CDH13: variants seen among roughly 807,000 people sequenced by gnomAD.
The protein encoded by CDH13 is cadherin-13.
A neutral mutation model predicts 63.8 loss-of-function variants in CDH13; 24 were observed. The ratio of observed to expected loss-of-function variants is 0.38; its 90% CI spans 0.27 to 0.53. The LOEUF (loss-of-function observed/expected upper bound fraction) is 0.53. Among genes scored for constraint, CDH13 ranks in the 20% least tolerant of loss-of-function variants. CDH13 has a pLI of 0.85. For synonymous variants in CDH13, 503 were observed against 355.3 expected (o/e 1.42, Z -4.67); for missense variants, 1,049 against 903.1 (o/e 1.16, Z -2.07).
At chr16:83,231,580 G>A (rs536276160) in intron 5 of CDH13, among the ~76,000 whole-genome samples, 34 of 152,284 alleles carry the variant, frequency 2.2e-4, no homozygotes, top group Non-Finnish European at 4.3e-4. Context: ...ATTAGAAGTA[G>A]GGGGTCTGCA....
At chr16:83,686,712 G>A (rs554622662) in intron 10 of CDH13, among the ~76,000 whole-genome samples, 2 of 152,288 alleles carry the variant, frequency 1.3e-5, no homozygotes, top group Admixed American at 1.3e-4. Context: ...TGTATTTTTA[G>A]TGTGGGTACA....
Position 83,246,781 on chromosome 16 carries a change from C to T in CDH13, c.636+29284C>T, listed in dbSNP as rs1905037486. Among the ~76,000 whole-genome samples the T allele has an allele frequency of 2.6e-5, 4 of 152,314 alleles. No individual in the cohort carries two copies. In the South Asian group the frequency reaches 8.3e-4, roughly 32 times the overall value. ...CACTTCCTTGCTGAAACCATTGATG[C>T]TTCTCTGTCGACTTCAAGATGTGTT... On this transcript the variant is annotated intron_variant, in intron 5 of 13. Coordinates refer to ENST00000567109, the MANE Select transcript of CDH13 (RefSeq NM_001257.5).
chr16:82,659,682 G>A lies in CDH13; in HGVS notation c.45+32545G>A, dbSNP rs145467487. On this transcript the variant is annotated intron_variant, in intron 1 of 13. Transcript: ENST00000567109. Reference sequence around the variant, plus strand: ...GTGCGAGGCACTGGAATACAATGGGGGTAACATGGACTAGGAGACTCATGA... The same window carrying A: ...GTGCGAGGCACTGGAATACAATGGGAGTAACATGGACTAGGAGACTCATGA... Among the ~76,000 whole-genome samples the A allele has an allele frequency of 1.7e-3, 254 of 152,246 alleles. 1 individual carries two copies. The highest frequency in any genetic ancestry group is 2.7e-3 in the Non-Finnish European group (181 of 68,014).
chr16:83,455,266 C>T (rs1256376428), intron 6 of CDH13, among the ~76,000 whole-genome samples: 2 of 152,068 alleles, frequency 1.3e-5, no homozygotes, highest in Non-Finnish European at 2.9e-5. Flanking sequence ...CTGGCAAGGC[C>T]CAAGAGATTC....
intron 4 of CDH13, among the ~76,000 whole-genome samples, chr16:83,158,826 G>A (rs956202853): frequency 6.6e-5 from 10 of 152,334 alleles, no homozygotes; most frequent in African/African-American, 9.6e-5. Context: ...CAGGAAGGGC[G>A]GCGGGGTGGT....
intron 1 of CDH13, among the ~76,000 whole-genome samples, chr16:82,788,402 G>A (rs146630826): frequency 1.3e-5 from 2 of 152,256 alleles, no homozygotes; most frequent in African/African-American, 2.4e-5. Flanking sequence ...CCCTGATGTG[G>A]TCCACGTGAC....
chr16:83,454,958 C>T (rs1424385251), intron 6 of CDH13, among the ~76,000 whole-genome samples: 7 of 152,174 alleles, frequency 4.6e-5, no homozygotes, highest in Admixed American at 4.6e-4. Flanking sequence ...GATCCACCCG[C>T]CTCAGCCTCC....
Position 83,166,836 on chromosome 16 carries a change from G to C in CDH13, c.483+41335G>C, listed in dbSNP as rs143606779. 6.2e-4 allele frequency among the ~76,000 whole-genome samples: 94 copies of C among 152,274 alleles called. 1 individual carries two copies. The East Asian group carries it at 0.015, about 25-fold the overall frequency. ...GTTCTTAGCATTATTATGAAGCAAG[G>C]ACAAGTGTATTACCGCCATTCACGG... On this transcript the variant is annotated intron_variant, in intron 4 of 13. Coordinates refer to ENST00000567109, the MANE Select transcript of CDH13 (RefSeq NM_001257.5).
intron 3 of CDH13, among the ~76,000 whole-genome samples, chr16:83,066,315 G>A (rs531487018): frequency 3.4e-4 from 52 of 152,284 alleles, no homozygotes; most frequent in African/African-American, 1.2e-3. Context: ...TTAAAACCAG[G>A]ATAGTCTTGA....
chr16:82,728,533 G>A lies in CDH13; in HGVS notation c.45+101396G>A, dbSNP rs192064404. 2.1e-3 allele frequency among the ~76,000 whole-genome samples: 314 copies of A among 152,134 alleles called. 1 individual carries two copies. Among genetic ancestry groups the A allele is most frequent in the Middle Eastern group, 6.8e-3 (2 of 294 alleles). ...TTTGAAATAGTATTATGTCTAAAAC[G>A]TGTGCATACCTTAATTTAAAAATAC... On this transcript the variant is annotated intron_variant, in intron 1 of 13. Transcript: ENST00000567109.
Position 82,737,705 on chromosome 16 carries a change from T to C in CDH13, c.45+110568T>C, listed in dbSNP as rs113383769. Among the ~76,000 whole-genome samples, 210 of 152,360 alleles carry C rather than the reference T, an allele frequency of 1.4e-3. 1 individual carries two copies. Among genetic ancestry groups the C allele is most frequent in the African/African-American group, 4.8e-3 (201 of 41,592 alleles). On this transcript the variant is annotated intron_variant, in intron 1 of 13. Transcript: ENST00000567109. ...CTGGCAGAACCTGCCCTTAGTTCTA[T>C]AGAGGACACCTTCCCCATACTTTTT...
chr16:83,320,756 G>A (rs540393294), intron 5 of CDH13, among the ~76,000 whole-genome samples: 4 of 152,252 alleles, frequency 2.6e-5, no homozygotes, highest in East Asian at 3.9e-4. Context: ...TAGACCAAGC[G>A]CAAGGAATGA....
chr16:82,778,888 T>C (rs918775013), intron 1 of CDH13, among the ~76,000 whole-genome samples: 21 of 152,178 alleles, frequency 1.4e-4, no homozygotes, highest in African/African-American at 5.1e-4. Flanking sequence ...GAAGTATCCT[T>C]GGTGTTTCAT....
At chr16:83,222,876 C>G (rs2039737699) in intron 5 of CDH13, among the ~76,000 whole-genome samples, 1 of 152,138 alleles carries the variant, frequency 6.6e-6, no homozygotes, top group Non-Finnish European at 1.5e-5. Context: ...GGTTTTTCAA[C>G]AGTGGCACTA....
chr16:83,651,641 G>C (rs1221576899), intron 8 of CDH13, among the ~76,000 whole-genome samples: 3 of 136,590 alleles, frequency 2.2e-5, no homozygotes, highest in Non-Finnish European at 3.0e-5. Context: ...TGTCACCCAG[G>C]CTGGAGTGCA....
chr16:83,631,801 G>A (rs187690491), intron 8 of CDH13, among the ~76,000 whole-genome samples: 22 of 152,282 alleles, frequency 1.4e-4, no homozygotes, highest in Admixed American at 6.5e-4. Context: ...CACTGCTGCC[G>A]CCAATGAACT....
chr16:83,617,371 C>G (rs935720513), intron 8 of CDH13, among the ~76,000 whole-genome samples: 9 of 152,028 alleles, frequency 5.9e-5, no homozygotes, highest in Non-Finnish European at 1.3e-4. Context: ...GTATGCTATT[C>G]TATTCTAATA....
intron 1 of CDH13, among the ~76,000 whole-genome samples, chr16:82,701,030 A>C (rs1356160894): frequency 7.4e-6 from 1 of 135,016 alleles, no homozygotes; most frequent in African/African-American, 2.8e-5. Context: ...CATGTGCTCA[A>C]AAGCAAACTT....
chr16:82,890,650 C>T (rs866645335), intron 2 of CDH13, among the ~76,000 whole-genome samples: 19 of 139,248 alleles, frequency 1.4e-4, no homozygotes, highest in Admixed American at 1.4e-4. Flanking sequence ...GAGAGACATT[C>T]TTTTTTTTTT....
Sources: allele counts gnomAD v4.1 joint callset (sites outside exome capture counted in the v4.1 genomes callset), GRCh38; gene constraint gnomAD v4.1.1; transcripts MANE v1.5; gene names NCBI Gene and HGNC (gene_info 2026-07-23, HGNC 2026-07-21).